JKAMP: variants seen among roughly 807,000 people sequenced by gnomAD.
JKAMP encodes JNK1/MAPK8 associated membrane protein, also known as JNK1/MAPK8-associated membrane protein.
Under a neutral mutation model 40.2 loss-of-function variants are expected in JKAMP, and 20 were observed. That is an observed-to-expected ratio of 0.50 (90% CI 0.35 to 0.72). The LOEUF (loss-of-function observed/expected upper bound fraction) is 0.72, where lower values mean the gene tolerates loss of function less well. Ranked by LOEUF, JKAMP falls within the 30% of genes least tolerant of loss-of-function variation. JKAMP has a pLI of 0.01. For synonymous variants in JKAMP, 138 were observed against 131.6 expected (o/e 1.05, Z -0.33); for missense variants, 276 against 373.0 (o/e 0.74, Z 2.14).
rs138385628 is a variant in JKAMP, at chr14:59,504,413, G to A, written c.*341G>A. The stretch of plus-strand genomic sequence containing the variant: ...ATTTTATTAAGAAAAGCTTTAACAC[G>A]TGTAATCTGCAGTCCTTAACAGTGG... On this transcript the variant is annotated 3_prime_UTR_variant, in exon 7 of 7. Transcript: ENST00000616435. The A allele has an allele frequency of 8.8e-5, 20 of 227,224 alleles. No homozygotes were observed. The East Asian group carries it at 1.7e-3, about 19-fold the overall frequency. 14.1% of individuals were successfully genotyped at this position (227,224 alleles called of 1,614,324 possible).
chr14:59,501,420 T>C (rs566384715), intron 6 of JKAMP, among the ~76,000 whole-genome samples, 153 bp downstream of exon 6: 2 of 152,348 alleles, frequency 1.3e-5, no homozygotes, highest in South Asian at 4.1e-4. Context: ...TTGTTAACTT[T>C]ATGAAAAGTT....
intron 3 of JKAMP, among the ~76,000 whole-genome samples, chr14:59,493,342 C>G (rs1891178281): frequency 6.6e-6 from 1 of 152,184 alleles, no homozygotes; most frequent in Non-Finnish European, 1.5e-5. Context: ...TTACTGCAGC[C>G]ATGTGAGTTA....
Position 59,505,293 on chromosome 14 carries a change from T to A in JKAMP, c.*1221T>A, listed in dbSNP as rs1297356546. ...ATTTAACCACTGGGAAATGAACCCT[T>A]GTACGAATGTGTTTCTTCTTCTCTG... On this transcript the variant is annotated 3_prime_UTR_variant, in exon 7 of 7. Transcript: ENST00000616435. The A allele has an allele frequency of 1.3e-6, 2 of 1,501,270 alleles. No individual in the cohort carries two copies. The highest frequency in any genetic ancestry group is 2.8e-5 in the African/African-American group (2 of 72,206). 93.0% of individuals were successfully genotyped at this position (1,501,270 alleles called of 1,614,324 possible).
At chr14:59,491,307 G>T (rs559139981) in intron 3 of JKAMP, among the ~76,000 whole-genome samples, 2 of 152,294 alleles carry the variant, frequency 1.3e-5, no homozygotes, top group East Asian at 1.9e-4. Context: ...GCTGGTGGGG[G>T]TATTTTTCCA....
chr14:59,486,936 C>T (rs955454654), intron 2 of JKAMP, 132 bp downstream of exon 2: 2 of 675,880 alleles, frequency 3.0e-6, no homozygotes, highest in Non-Finnish European at 5.0e-6. Flanking sequence ...CGCAGTGGCT[C>T]ATGCCTGTAA....
rs754982071 is a variant in JKAMP at position 59,495,154 on chromosome 14, A to T, written c.388A>T (p.Thr130Ser). 1.2e-6 allele frequency: 2 copies of T among 1,613,840 alleles called. No homozygotes were observed. The highest frequency in any genetic ancestry group is 1.7e-6 in the Non-Finnish European group (2 of 1,179,756). Reference protein sequence around the residue: ...CRVLMLSDWYTMLYNPSPDYV... With the variant: ...CRVLMLSDWYSMLYNPSPDYV... ...AGTATTGATGCTTTCTGACTGGTAC[A>T]CGATGCTTTACAACCCAAGTCCAGA... The change falls in exon 4 of 7, where the codon ACG becomes TCG. Residue 130 changes from threonine (T) to serine (S), a missense_variant. Transcript: ENST00000616435.
At chr14:59,498,568 A>C (rs1326098781) in intron 4 of JKAMP, among the ~76,000 whole-genome samples, 159 bp from the exon 5 acceptor site, 1 of 152,212 alleles carries the variant, frequency 6.6e-6, no homozygotes. Context: ...GCCGTGTATG[A>C]CAGCCTGTTT....
intron 3 of JKAMP, among the ~76,000 whole-genome samples, chr14:59,494,186 A>C (rs1891253240): frequency 6.6e-6 from 1 of 152,092 alleles, no homozygotes; most frequent in South Asian, 2.1e-4. Flanking sequence ...AAAACATTTA[A>C]ACTGCTAAGT....
chr14:59,500,467 G>A (rs1224304913), intron 5 of JKAMP, among the ~76,000 whole-genome samples: 1 of 152,034 alleles, frequency 6.6e-6, no homozygotes, highest in Non-Finnish European at 1.5e-5. Context: ...GTGTTTTAGA[G>A]GAAAAAATTT....
At chr14:59,486,981 A>C (rs1369391598) in intron 2 of JKAMP, among the ~76,000 whole-genome samples, 177 bp downstream of exon 2, 1 of 152,150 alleles carries the variant, frequency 6.6e-6, no homozygotes, top group Non-Finnish European at 1.5e-5. Flanking sequence ...TGGGTAGATC[A>C]CTTGAGGTCA....
rs2139926746 is a variant in JKAMP, at chr14:59,504,286, T to C, written c.*214T>C. 1.9e-6 allele frequency: 1 copy of C among 521,802 alleles called. No individual in the cohort carries two copies. The highest frequency in any genetic ancestry group is 3.4e-6 in the Non-Finnish European group (1 of 296,088). The allele number at this position is 521,802 out of a possible 1,614,324, so 32.3% of individuals were successfully genotyped here. Reference sequence around the variant, plus strand: ...TACTCTGTTACACAGGGTAATATTATCTGCTACACTGGAAGGCCGCTAGGA... The same window carrying C: ...TACTCTGTTACACAGGGTAATATTACCTGCTACACTGGAAGGCCGCTAGGA... On this transcript the variant is annotated 3_prime_UTR_variant, in exon 7 of 7. Coordinates refer to ENST00000616435, the MANE Select transcript of JKAMP (RefSeq NM_016475.5).
Position 59,504,033 on chromosome 14 carries a change from A to G in JKAMP, c.897A>G (p.Glu299=). The G allele has an allele frequency of 6.2e-7, 1 of 1,613,666 alleles. No individual in the cohort carries two copies. The highest frequency in any genetic ancestry group is 8.5e-7 in the Non-Finnish European group (1 of 1,179,738). The part of the protein sequence containing the change: ...LFYLFTAKFT[E]PSRILSEGAN... ...ACTTGTTCACTGCAAAATTTACCGA[A>G]CCTTCAAGGATACTCTCAGAAGGAG... The change falls in exon 7 of 7, where the codon GAA becomes GAG. Residue 299 remains glutamate, a synonymous_variant. Transcript: ENST00000616435.
intron 3 of JKAMP, among the ~76,000 whole-genome samples, chr14:59,491,181 A>G (rs577005953): frequency 1.3e-5 from 2 of 152,332 alleles, no homozygotes; most frequent in African/African-American, 4.8e-5. Flanking sequence ...GGAAGGATGC[A>G]TGGTTTGGCA....
chr14:59,499,943 G>A (rs973226531), intron 5 of JKAMP, among the ~76,000 whole-genome samples: 2 of 152,118 alleles, frequency 1.3e-5, no homozygotes, highest in African/African-American at 4.8e-5. Flanking sequence ...TGCCATTCTT[G>A]CTCTAGGGAA....
chr14:59,484,575 A>AG lies in JKAMP; in HGVS notation c.-15_-14insG. ...GCTGATCTAGTGCTTCTCGAAAAAA[A>AG]CCTTCAGGCGGCCCATGGGTGAGTG... On this transcript the variant is annotated 5_prime_UTR_variant, in exon 1 of 7. Transcript: ENST00000616435. 1.3e-6 allele frequency: 2 copies of AG among 1,574,114 alleles called. No individual in the cohort carries two copies. Among genetic ancestry groups the AG allele is most frequent in the South Asian group, 2.3e-5 (2 of 85,582 alleles).
At chr14:59,485,016 GGACC>G in intron 1 of JKAMP, 1 of 1,597,336 alleles carries the variant, frequency 6.3e-7, no homozygotes, top group Non-Finnish European at 8.5e-7. Flanking sequence ...ACAAAGGGCA[GGACC>G]GCTGCAAAAA....
intron 3 of JKAMP, among the ~76,000 whole-genome samples, chr14:59,493,969 G>C (rs1032825595): frequency 6.6e-6 from 1 of 152,158 alleles, no homozygotes; most frequent in Non-Finnish European, 1.5e-5. Context: ...AGGAGTACCT[G>C]TTCAGTAAAA....
intron 3 of JKAMP, among the ~76,000 whole-genome samples, chr14:59,488,417 A>G (rs1471434914): frequency 1.3e-5 from 2 of 152,192 alleles, no homozygotes; most frequent in Non-Finnish European, 2.9e-5. Flanking sequence ...CTGGAGTTAC[A>G]AAGAACAGAG....
intron 1 of JKAMP, among the ~76,000 whole-genome samples, chr14:59,486,273 A>G (rs17255794): frequency 0.041 from 6,317 of 152,326 alleles, 146 homozygotes; most frequent in Non-Finnish European, 0.044. Flanking sequence ...GTGTTCTGTT[A>G]TGAACATAGG....
Sources: gnomAD v4.1 joint callset for allele counts (sites outside exome capture counted in the v4.1 genomes callset) on GRCh38, gnomAD v4.1.1 for gene constraint, MANE v1.5 for transcripts, NCBI Gene and HGNC (gene_info 2026-07-23, HGNC 2026-07-21) for gene names.